The following CACNA2D2 variants were observed in gnomAD, a reference collection of about 807,000 sequenced individuals.
The protein encoded by CACNA2D2 is voltage-dependent calcium channel subunit alpha-2/delta-2.
CACNA2D2 carries 48 observed loss-of-function variants against 166.4 expected under a neutral mutation model. The observed-to-expected ratio is 0.29, with a 90% CI of 0.23 to 0.37. The LOEUF (loss-of-function observed/expected upper bound fraction) is 0.37. Among genes scored for constraint, CACNA2D2 ranks in the 10% least tolerant of loss-of-function variants. The pLI is 1.00. For missense variants in CACNA2D2, 1,122 were observed against 1,433.0 expected (o/e 0.78, Z 3.50); for synonymous variants, 561 against 573.7 (o/e 0.98, Z 0.32).
intron 3 of CACNA2D2, among the ~76,000 whole-genome samples, chr3:50,418,980 G>A (rs1302560095): frequency 6.6e-6 from 1 of 152,170 alleles, no homozygotes; most frequent in African/African-American, 2.4e-5. Context: ...TGTGCTCTGG[G>A]CTGTATCTGG....
At position 50,362,872 on chromosome 3, in the gene CACNA2D2, A is replaced by C. The variant is rs1704003063; in HGVS notation, c.*1794T>G. 3 of 372,120 alleles carry C rather than the reference A, an allele frequency of 8.1e-6. No homozygotes were observed. Among genetic ancestry groups the C allele is most frequent in the Non-Finnish European group, 1.4e-5 (3 of 210,744 alleles). The allele number at this position is 372,120 out of a possible 1,614,324, so 23.1% of individuals were successfully genotyped here. A position where few individuals can be genotyped will look rare whatever the true frequency, so the allele number is the denominator to read the frequency against. On this transcript the variant is annotated 3_prime_UTR_variant, in exon 38 of 38. Coordinates refer to ENST00000424201, the MANE Select transcript of CACNA2D2 (RefSeq NM_006030.4). ...AACCATTTGAAAATATTTTACAAGG[A>C]ATCACACACACGATATTTTACAAAG...
chr3:50,439,168 A>G (rs964610456), intron 2 of CACNA2D2, among the ~76,000 whole-genome samples: 3 of 152,230 alleles, frequency 2.0e-5, no homozygotes, highest in African/African-American at 7.2e-5. Context: ...AAAGAGGCAT[A>G]GGGATGAACT....
chr3:50,428,490 T>A lies in CACNA2D2; in HGVS notation c.405+5823A>T, dbSNP rs141088003. Among the ~76,000 whole-genome samples, 227 of 152,272 alleles carry A rather than the reference T, an allele frequency of 1.5e-3. 2 individuals carry two copies. Among genetic ancestry groups the A allele is most frequent in the African/African-American group, 5.1e-3 (213 of 41,568 alleles). On this transcript the variant is annotated intron_variant, in intron 3 of 37. Coordinates refer to ENST00000424201, the MANE Select transcript of CACNA2D2 (RefSeq NM_006030.4). ...ACCCGGTCACACTGCCAACAATGCA[T>A]CACTTTAATTGGGTTAAGTGGCCAT...
intron 1 of CACNA2D2, among the ~76,000 whole-genome samples, chr3:50,479,204 C>T (rs953616748): frequency 1.3e-5 from 2 of 152,166 alleles, no homozygotes; most frequent in African/African-American, 4.8e-5. Context: ...GCACAGTCTC[C>T]TTACTCCCAC....
At chr3:50,370,249 G>A in intron 23 of CACNA2D2, 71 bp downstream of exon 23, 1 of 1,004,322 alleles carries the variant, frequency 1.0e-6, no homozygotes, top group Non-Finnish European at 1.5e-6. Flanking sequence ...GCTCCAGGCA[G>A]CAGTGCAGGA....
chr3:50,369,987 G>A (rs1704568239), intron 23 of CACNA2D2, among the ~76,000 whole-genome samples: 1 of 152,224 alleles, frequency 6.6e-6, no homozygotes, highest in Non-Finnish European at 1.5e-5. Context: ...GCAGCTGCCT[G>A]GCGAGGGGTG....
intron 2 of CACNA2D2, among the ~76,000 whole-genome samples, chr3:50,434,902 C>A (rs1238146184): frequency 2.0e-5 from 3 of 152,238 alleles, no homozygotes; most frequent in Non-Finnish European, 4.4e-5. Flanking sequence ...CACAGCCATG[C>A]CTCCACGCTG....
Position 50,418,241 on chromosome 3 carries a change from G to C in CACNA2D2, c.405+16072C>G, listed in dbSNP as rs917026790. Among the ~76,000 whole-genome samples the C allele has an allele frequency of 2.0e-5, 3 of 152,180 alleles. No homozygotes were observed. In the South Asian group the frequency reaches 6.2e-4, roughly 32 times the overall value. On this transcript the variant is annotated intron_variant, in intron 3 of 37. Transcript: ENST00000424201. ...AGGACACACAGTAGGTGCTCAACAT[G>C]TGTCTGTAAAATGAACAAGTAACAC...
chr3:50,406,084 C>T (rs1474691882), intron 3 of CACNA2D2, among the ~76,000 whole-genome samples: 1 of 151,818 alleles, frequency 6.6e-6, no homozygotes, highest in Non-Finnish European at 1.5e-5. Context: ...GTGGCTCTGC[C>T]CCTGCCCCCT....
At chr3:50,378,628 G>A (rs1705116562) in intron 13 of CACNA2D2, among the ~76,000 whole-genome samples, 1 of 152,244 alleles carries the variant, frequency 6.6e-6, no homozygotes, top group African/African-American at 2.4e-5. Flanking sequence ...CCACCCGGCA[G>A]CCAGGCCCAA....
chr3:50,451,301 A>G lies in CACNA2D2; in HGVS notation c.289-16872T>C, dbSNP rs2236980. Reference sequence around the variant, plus strand: ...CCACCATGCCCAGCTAATTTTTTGTATTTTTAGTAAAGATGGGTTTCACCA... The same window carrying G: ...CCACCATGCCCAGCTAATTTTTTGTGTTTTTAGTAAAGATGGGTTTCACCA... On this transcript the variant is annotated intron_variant, in intron 2 of 37. Coordinates refer to ENST00000424201, the MANE Select transcript of CACNA2D2 (RefSeq NM_006030.4). 2.5e-3 allele frequency among the ~76,000 whole-genome samples: 379 copies of G among 151,872 alleles called. 6 individuals are homozygous for G. In the East Asian group the frequency reaches 0.049, roughly 19 times the overall value.
chr3:50,406,216 C>A (rs557207497), intron 3 of CACNA2D2, among the ~76,000 whole-genome samples: 4 of 151,832 alleles, frequency 2.6e-5, no homozygotes, highest in African/African-American at 9.7e-5. Flanking sequence ...GGCACAGAGG[C>A]AATCAGCCTG....
intron 1 of CACNA2D2, among the ~76,000 whole-genome samples, chr3:50,484,614 C>T (rs774253327): frequency 3.3e-5 from 5 of 152,208 alleles, no homozygotes; most frequent in African/African-American, 1.2e-4. Flanking sequence ...TCCACACACA[C>T]GTCACCTGCT....
intron 6 of CACNA2D2, among the ~76,000 whole-genome samples, chr3:50,382,545 C>T (rs978387461): frequency 6.6e-6 from 1 of 152,322 alleles, no homozygotes; most frequent in African/African-American, 2.4e-5. Flanking sequence ...TGTGGCTTCC[C>T]GTAACTGACC....
chr3:50,456,843 C>G (rs1709378907), intron 2 of CACNA2D2, among the ~76,000 whole-genome samples: 1 of 152,202 alleles, frequency 6.6e-6, no homozygotes, highest in African/African-American at 2.4e-5. Flanking sequence ...CAGAGCAGAT[C>G]AGGACCCAGA....
intron 2 of CACNA2D2, among the ~76,000 whole-genome samples, chr3:50,475,460 C>T (rs367557801): frequency 2.4e-4 from 36 of 152,300 alleles, no homozygotes; most frequent in African/African-American, 7.9e-4. Flanking sequence ...TCCAAGAGCT[C>T]GGCCCTCCCA....
intron 1 of CACNA2D2, among the ~76,000 whole-genome samples, chr3:50,488,527 G>A (rs1273977527): frequency 6.6e-6 from 1 of 151,982 alleles, no homozygotes; most frequent in Non-Finnish European, 1.5e-5. Context: ...AGAGTACTGA[G>A]GCTCAGCACA....
At chr3:50,476,260 C>A in intron 1 of CACNA2D2, 61 bp from the exon 2 acceptor site, 2 of 1,373,254 alleles carry the variant, frequency 1.5e-6, no homozygotes, top group Non-Finnish European at 1.0e-6. Flanking sequence ...ACAGCCCCAC[C>A]CCAGCCAACC....
At chr3:50,423,368 T>C (rs1229570707) in intron 3 of CACNA2D2, among the ~76,000 whole-genome samples, 1 of 152,230 alleles carries the variant, frequency 6.6e-6, no homozygotes, top group Admixed American at 6.5e-5. Flanking sequence ...AATAGAAGGC[T>C]GGGAAGCCCC....
Sources: gnomAD v4.1 joint callset for allele counts (sites outside exome capture counted in the v4.1 genomes callset) on GRCh38, gnomAD v4.1.1 for gene constraint, MANE v1.5 for transcripts, NCBI Gene and HGNC (gene_info 2026-07-23, HGNC 2026-07-21) for gene names.